The following GRIA2 variants were observed in gnomAD, a reference collection of about 807,000 sequenced individuals.
The protein encoded by GRIA2 is glutamate ionotropic receptor AMPA type subunit 2.
In GRIA2, 14 loss-of-function variants were observed where a neutral mutation model predicts 97.3. The ratio of observed to expected loss-of-function variants is 0.14; its 90% CI spans 0.10 to 0.23. GRIA2 has a LOEUF of 0.23. Among genes scored for constraint, GRIA2 ranks in the 10% least tolerant of loss-of-function variants. The probability of loss-of-function intolerance (pLI) is 1.00; values close to 1 mark genes in which losing one functional copy is unlikely to be tolerated. For synonymous variants in GRIA2, 412 were observed against 387.8 expected, an observed-to-expected ratio of 1.06 and a Z score of -0.73; for missense variants, 558 against 1,069.8, an observed-to-expected ratio of 0.52 and a Z score of 6.67.
At chr4:157,312,301 C>T (rs1734117024) in intron 3 of GRIA2, among the ~76,000 whole-genome samples, 1 of 152,056 alleles carries the variant, frequency 6.6e-6, no homozygotes, top group African/African-American at 2.4e-5. Flanking sequence ...TATGACTAAA[C>T]AATTTTTTTC....
intron 6 of GRIA2, among the ~76,000 whole-genome samples, chr4:157,326,683 C>CA (rs1356887369): frequency 1.3e-5 from 2 of 152,062 alleles, no homozygotes; most frequent in African/African-American, 4.8e-5. Flanking sequence ...GTAATGTCTC[C>CA]AGTGCAAGGA....
At chr4:157,307,967 A>T (rs1437898047) in intron 3 of GRIA2, among the ~76,000 whole-genome samples, 1 of 152,258 alleles carries the variant, frequency 6.6e-6, no homozygotes, top group Admixed American at 6.5e-5. Context: ...TGATTTAGTG[A>T]TCATAAATAT....
At chr4:157,253,816 G>C (rs1731120874) in intron 2 of GRIA2, among the ~76,000 whole-genome samples, 1 of 151,972 alleles carries the variant, frequency 6.6e-6, no homozygotes, top group Non-Finnish European at 1.5e-5. Flanking sequence ...ATTAATGTTT[G>C]TTATTATTCT....
At chr4:157,283,001 C>T (rs1471433798) in intron 2 of GRIA2, among the ~76,000 whole-genome samples, 1 of 152,036 alleles carries the variant, frequency 6.6e-6, no homozygotes, top group Non-Finnish European at 1.5e-5. Context: ...GTGGAAAAAT[C>T]AGTGTTTTAA....
chr4:157,349,697 C>A (rs1735922747), intron 12 of GRIA2, among the ~76,000 whole-genome samples: 1 of 152,052 alleles, frequency 6.6e-6, no homozygotes, highest in Non-Finnish European at 1.5e-5. Flanking sequence ...ATATCATAGA[C>A]TTTTAAATTA....
At chr4:157,362,654 A>G (rs1736683824) in intron 14 of GRIA2, 145 bp from the exon 15 acceptor site, 1 of 729,420 alleles carries the variant, frequency 1.4e-6, no homozygotes, top group African/African-American at 1.8e-5. Context: ...AAAATGGACC[A>G]TCTAAGAGAA....
chr4:157,361,248 G>T lies in GRIA2; in HGVS notation c.2406+124G>T. 1.4e-6 allele frequency: 1 copy of T among 710,054 alleles called. No homozygotes were observed. The highest frequency in any genetic ancestry group is 1.9e-5 in the South Asian group (1 of 53,394). The allele number at this position is 710,054 out of a possible 1,614,324, so 44.0% of individuals were successfully genotyped here. On this transcript the variant is annotated intron_variant, in intron 14 of 15. Transcript: ENST00000264426. The surrounding 1 kb of genome is among the most constrained non-coding windows in gnomAD (Gnocchi z 5.2). The stretch of plus-strand genomic sequence containing the variant: ...GCTAAGCTGAAGAGTGCAATTGGAT[G>T]ACCAGGACACTTGACTTCTTCTTTC...
intron 2 of GRIA2, among the ~76,000 whole-genome samples, chr4:157,272,111 A>G (rs1443156322): frequency 6.6e-6 from 1 of 152,066 alleles, no homozygotes; most frequent in East Asian, 1.9e-4. Context: ...TATTTTCAAT[A>G]TATTTAGATT....
intron 2 of GRIA2, among the ~76,000 whole-genome samples, chr4:157,228,596 C>G (rs573385749): frequency 2.1e-4 from 32 of 151,928 alleles, no homozygotes; most frequent in Non-Finnish European, 4.4e-4. Context: ...AGTTCAAGAC[C>G]AGGCTGGCCA....
chr4:157,227,986 A>G (rs550186533), intron 2 of GRIA2, among the ~76,000 whole-genome samples: 2 of 152,330 alleles, frequency 1.3e-5, no homozygotes, highest in Admixed American at 1.3e-4. Flanking sequence ...TAAGATGTCT[A>G]ACACCTATTA....
chr4:157,340,214 C>A (rs559264057), intron 11 of GRIA2, among the ~76,000 whole-genome samples: 6 of 151,906 alleles, frequency 3.9e-5, no homozygotes, highest in African/African-American at 1.4e-4. Context: ...CAATCATGAT[C>A]TAAATTTTTA....
intron 11 of GRIA2, among the ~76,000 whole-genome samples, chr4:157,339,261 T>C (rs1735442895): frequency 1.3e-5 from 2 of 152,030 alleles, no homozygotes; most frequent in Admixed American, 6.6e-5. Context: ...TAAAAAATGA[T>C]TTAGTAGGGA....
chr4:157,305,961 A>G (rs1328072260), intron 3 of GRIA2, among the ~76,000 whole-genome samples: 1 of 152,086 alleles, frequency 6.6e-6, no homozygotes, highest in Non-Finnish European at 1.5e-5. Flanking sequence ...ATGACTCTGT[A>G]CCCAGTGCTT....
At chr4:157,244,775 T>TA (rs1265441202) in intron 2 of GRIA2, among the ~76,000 whole-genome samples, 4 of 151,976 alleles carry the variant, frequency 2.6e-5, no homozygotes, top group African/African-American at 9.6e-5. Flanking sequence ...GTGAATGATA[T>TA]AAAAAAAATC....
In GRIA2 at chr4:157,359,934, C is replaced by T; in HGVS notation, c.2082C>T (p.Tyr694=). 6.2e-7 allele frequency: 1 copy of T among 1,613,534 alleles called. No homozygotes were observed. Among genetic ancestry groups the T allele is most frequent in the Non-Finnish European group, 8.5e-7 (1 of 1,179,594 alleles). ...CAGTGTTTGATAAAATGTGGACCTA[C>T]ATGCGGAGTGCGGAGCCCTCTGTGT... ...KIAVFDKMWT[Y]MRSAEPSVFV... is the part of the protein sequence containing the mutation. The change falls in exon 13 of 16, where the codon TAC becomes TAT. Residue 694 remains tyrosine, a synonymous_variant. Coordinates refer to ENST00000264426, the MANE Select transcript of GRIA2 (RefSeq NM_001083619.3).
intron 2 of GRIA2, among the ~76,000 whole-genome samples, chr4:157,286,623 T>G (rs192116446): frequency 6.7e-6 from 1 of 149,182 alleles, no homozygotes; most frequent in African/African-American, 2.5e-5. Context: ...CAATAAAGTT[T>G]GTAATTTTCT....
intron 2 of GRIA2, among the ~76,000 whole-genome samples, chr4:157,282,331 A>G (rs1165656711): frequency 1.3e-5 from 2 of 152,154 alleles, no homozygotes; most frequent in Non-Finnish European, 2.9e-5. Context: ...ACAATCTACC[A>G]TATGACCTAT....
intron 2 of GRIA2, among the ~76,000 whole-genome samples, chr4:157,227,507 A>G (rs1359840111): frequency 6.6e-6 from 1 of 152,188 alleles, no homozygotes; most frequent in Non-Finnish European, 1.5e-5. Flanking sequence ...GAAGTACTTA[A>G]TCTGCAGAGC....
At chr4:157,301,016 T>C (rs985295509) in intron 2 of GRIA2, among the ~76,000 whole-genome samples, 2 of 152,194 alleles carry the variant, frequency 1.3e-5, no homozygotes, top group Non-Finnish European at 2.9e-5. Context: ...CTATTTCACT[T>C]AAGATGAGAA....
Sources: allele counts gnomAD v4.1 joint callset (sites outside exome capture counted in the v4.1 genomes callset), GRCh38; gene constraint gnomAD v4.1.1; non-coding constraint Gnocchi (gnomAD v3.1); transcripts MANE v1.5; gene names NCBI Gene and HGNC (gene_info 2026-07-23, HGNC 2026-07-21).